The following SYTL2 variants were observed in gnomAD, a reference collection of about 807,000 sequenced individuals.
The protein encoded by SYTL2 is synaptotagmin like 2, also known as synaptotagmin-like protein 2.
In SYTL2, 165 loss-of-function variants were observed where a neutral mutation model predicts 198.7. The observed-to-expected ratio is 0.83, with a 90% CI of 0.73 to 0.94. The LOEUF is 0.94. Among genes scored for constraint, SYTL2 ranks in the 40% least tolerant of loss-of-function variants. SYTL2 has a pLI of 0.00. For synonymous variants in SYTL2, 966 were observed against 917.7 expected (o/e 1.05, Z -0.95); for missense variants, 2,835 against 2,582.8 (o/e 1.10, Z -2.12).
At chr11:85,738,427 A>AG (rs1275932112) in intron 4 of SYTL2, among the ~76,000 whole-genome samples, 4 of 152,150 alleles carry the variant, frequency 2.6e-5, no homozygotes, top group Non-Finnish European at 4.4e-5. Context: ...GAGGCGAGAA[A>AG]GGGGGAAAAT....
chr11:85,739,738 C>G (rs1339198811), intron 4 of SYTL2, among the ~76,000 whole-genome samples: 3 of 152,134 alleles, frequency 2.0e-5, no homozygotes, highest in African/African-American at 7.2e-5. Flanking sequence ...CTGAGGTTCA[C>G]AGAGGTTAAG....
At position 85,701,859 on chromosome 11, in the gene SYTL2, C is replaced by G. The variant is rs111296941; in HGVS notation, c.6190-1266G>C. Among the ~76,000 whole-genome samples the G allele has an allele frequency of 1.3e-3, 197 of 152,292 alleles. 1 individual carries two copies. The highest frequency in any genetic ancestry group is 3.9e-3 in the African/African-American group (161 of 41,556). ...TGAAAGTGCTAAAGAATTATTAACA[C>G]AGACAGGACTCAAATGAACAAGATC... On this transcript the variant is annotated intron_variant, in intron 16 of 19. Coordinates refer to ENST00000359152, the MANE Select transcript of SYTL2 (RefSeq NM_206927.4).
At chr11:85,817,902 CT>C in the SYTL2 span, among the ~76,000 whole-genome samples, 64 of 109,892 alleles carry the variant, frequency 5.8e-4, no homozygotes, top group East Asian at 2.9e-3. Context: ...TGTGTCTTTT[CT>C]TTTTTTTTTT....
At chr11:85,844,813 C>CTG in the SYTL2 span, among the ~76,000 whole-genome samples, 23 of 152,182 alleles carry the variant, frequency 1.5e-4, no homozygotes, top group Admixed American at 1.5e-3. Context: ...CTCCTCTACA[C>CTG]TTGCCAGAGT....
Position 85,733,936 on chromosome 11 carries a change from T to G in SYTL2, c.1390+3A>C. ...TATAATCTAGTAGTGACAACTCTCT[T>G]ACCAGCAGGGCTTCTGGGTAATACA... On this transcript the variant is annotated splice_donor_region_variant and intron_variant, in intron 7 of 19. Coordinates refer to ENST00000359152, the MANE Select transcript of SYTL2 (RefSeq NM_206927.4). 1 of 1,613,264 alleles carries G rather than the reference T, an allele frequency of 6.2e-7. No individual in the cohort carries two copies. The highest frequency in any genetic ancestry group is 8.5e-7 in the Non-Finnish European group (1 of 1,179,408).
rs1033681132 is a variant in SYTL2 at position 85,727,281 on chromosome 11, A to C, written c.2077T>G (p.Leu693Val). The change falls in exon 8 of 20, where the codon TTG becomes GTG. Residue 693 changes from leucine to valine, a missense_variant. Leu to Val is a conservative substitution (Grantham distance 32). Coordinates refer to ENST00000359152, the MANE Select transcript of SYTL2 (RefSeq NM_206927.4). ...TGAAACTTGGGTTCTTCTTCACCCA[A>C]GTTGCCAATATTATTAGTGTTGCAT... The part of the protein sequence containing the change: ...VPCNTNNIGN[L>V]GEEEPKFHAH... 3.6e-5 allele frequency: 56 copies of C among 1,535,150 alleles called. No individual in the cohort carries two copies. Among genetic ancestry groups the C allele is most frequent in the Non-Finnish European group, 4.8e-5 (55 of 1,146,724 alleles).
At chr11:85,833,665 T>A in the SYTL2 span, among the ~76,000 whole-genome samples, 1 of 151,068 alleles carries the variant, frequency 6.6e-6, no homozygotes, top group African/African-American at 2.4e-5. Context: ...GGGTTGGTAA[T>A]GCTCTGAGGC....
chr11:85,760,051 A>G (rs750850908), intron 1 of SYTL2, among the ~76,000 whole-genome samples: 3 of 152,166 alleles, frequency 2.0e-5, no homozygotes, highest in Non-Finnish European at 4.4e-5. Flanking sequence ...TGGCCAATGG[A>G]ATGTTAGCAA....
chr11:85,779,622 T>C (rs1170601952), intron 1 of SYTL2, among the ~76,000 whole-genome samples: 2 of 140,132 alleles, frequency 1.4e-5, no homozygotes, highest in Non-Finnish European at 3.1e-5. Context: ...ATGGAACAGA[T>C]AAAACTCATC....
At chr11:85,770,482 C>A in intron 1 of SYTL2, among the ~76,000 whole-genome samples, 1 of 152,184 alleles carries the variant, frequency 6.6e-6, no homozygotes, top group Non-Finnish European at 1.5e-5. Context: ...GAAAACCTTC[C>A]CAAGCACTTC....
In SYTL2 at chr11:85,700,524, G is replaced by T; in HGVS notation, c.6259C>A (p.Pro2087Thr). The T allele has an allele frequency of 3.1e-6, 5 of 1,612,468 alleles. No homozygotes were observed. The highest frequency in any genetic ancestry group is 4.2e-6 in the Non-Finnish European group (5 of 1,178,536). Residue 2087 changes from proline to threonine, a missense_variant, in exon 17 of 20, where the codon CCA (proline) becomes ACA (threonine). By Grantham distance (38) the Pro-to-Thr change is conservative. Transcript: ENST00000359152. The stretch of plus-strand genomic sequence containing the variant: ...GAAAGTCATTACATACCAGGGACTG[G>T]CTCTGGGACATACTGGAGAGCTAGT... Reference protein sequence around the residue: ...MKLALQYVPEPVPGKKLPTTG... With the variant: ...MKLALQYVPETVPGKKLPTTG...
intron 11 of SYTL2, 99 bp downstream of exon 11, chr11:85,717,384 A>T: frequency 9.9e-7 from 1 of 1,014,732 alleles, no homozygotes; most frequent in Non-Finnish European, 1.5e-6. Context: ...TTTAGTGCCA[A>T]TAATAAATAC....
At chr11:85,744,616 TATATC>T (rs947276654) in intron 4 of SYTL2, among the ~76,000 whole-genome samples, 22 of 152,310 alleles carry the variant, frequency 1.4e-4, no homozygotes, top group Admixed American at 3.9e-4. Flanking sequence ...TATTGGTACT[TATATC>T]ATATACCCTC....
intron 19 of SYTL2, 75 bp from the exon 20 acceptor site, chr11:85,695,415 A>T: frequency 1.6e-6 from 2 of 1,267,564 alleles, no homozygotes; most frequent in South Asian, 3.4e-5. Context: ...GTTATTCCCT[A>T]ATTATAACCA....
chr11:85,731,763 T>C (rs596029), intron 7 of SYTL2, among the ~76,000 whole-genome samples: 2 of 151,636 alleles, frequency 1.3e-5, no homozygotes, highest in Non-Finnish European at 2.9e-5. Context: ...AGCTTCTTCA[T>C]AGCAAAAGAA....
intron 1 of SYTL2, among the ~76,000 whole-genome samples, chr11:85,809,876 G>A (rs1303640532): frequency 6.6e-6 from 1 of 152,212 alleles, no homozygotes; most frequent in African/African-American, 2.4e-5. Flanking sequence ...TTCAGGGGTG[G>A]AGGAAAGTGA....
the SYTL2 span, among the ~76,000 whole-genome samples, chr11:85,847,172 C>T: frequency 6.6e-6 from 1 of 152,168 alleles, no homozygotes; most frequent in Non-Finnish European, 1.5e-5. Flanking sequence ...AGATACAGAG[C>T]ATTTCCTTTA....
At chr11:85,731,774 T>A (rs1384319057) in intron 7 of SYTL2, among the ~76,000 whole-genome samples, 1 of 152,054 alleles carries the variant, frequency 6.6e-6, no homozygotes, top group Non-Finnish European at 1.5e-5. Flanking sequence ...AGCAAAAGAA[T>A]CTATCATCAG....
In SYTL2 at chr11:85,751,531, T is replaced by C. The variant is rs151010091; in HGVS notation, c.102-3108A>G. Among the ~76,000 whole-genome samples, 19 of 152,346 alleles carry C rather than the reference T, an allele frequency of 1.2e-4. No individual in the cohort carries two copies. In the East Asian group the frequency reaches 1.9e-3, roughly 15 times the overall value. On this transcript the variant is annotated intron_variant, in intron 2 of 19. Transcript: ENST00000359152. ...CCTCTCCACACACACACGTTATGTT[T>C]AGCAGAGAGTTAAGTAGAGAGAAGA...
Sources: allele counts gnomAD v4.1 joint callset (sites outside exome capture counted in the v4.1 genomes callset), GRCh38; gene constraint gnomAD v4.1.1; transcripts MANE v1.5; gene names NCBI Gene and HGNC (gene_info 2026-07-23, HGNC 2026-07-21).